Variants in AP2A2 observed in about 807,000 individuals in gnomAD.
AP2A2 encodes adaptor related protein complex 2 subunit alpha 2, also known as AP-2 complex subunit alpha-2.
AP2A2 carries 32 observed loss-of-function variants against 104.2 expected under a neutral mutation model. The observed-to-expected ratio is 0.31, with a 90% CI of 0.23 to 0.41. The LOEUF (loss-of-function observed/expected upper bound fraction) is 0.41, where lower values mean the gene tolerates loss of function less well. Ranked by LOEUF, AP2A2 falls within the 10% of genes least tolerant of loss-of-function variation. The pLI is 1.00. For synonymous variants in AP2A2, 539 were observed against 533.3 expected, an observed-to-expected ratio of 1.01 and a Z score of -0.15; for missense variants, 912 against 1,261.0, an observed-to-expected ratio of 0.72 and a Z score of 4.19.
chr11:997,877 C>T lies in AP2A2; in HGVS notation c.1957-2555C>T, dbSNP rs774738328. The stretch of plus-strand genomic sequence containing the variant: ...CTGAGATTGCACCACTGCACTCCAG[C>T]CTGGGTAACAGAGTGAGACTCGGTC... On this transcript the variant is annotated intron_variant, in intron 14 of 21. Coordinates refer to ENST00000448903, the MANE Select transcript of AP2A2 (RefSeq NM_012305.4). 1.5e-3 allele frequency among the ~76,000 whole-genome samples: 226 copies of T among 152,268 alleles called. 1 individual carries two copies. The highest frequency in any genetic ancestry group is 2.2e-3 in the Non-Finnish European group (148 of 68,018).
At chr11:941,342 G>C (rs1589948835) in intron 1 of AP2A2, among the ~76,000 whole-genome samples, 2 of 152,160 alleles carry the variant, frequency 1.3e-5, no homozygotes. Flanking sequence ...CTTGATGACT[G>C]ATTGTTTCTA....
intron 14 of AP2A2, among the ~76,000 whole-genome samples, chr11:998,302 C>T (rs1055909163): frequency 6.8e-6 from 1 of 146,002 alleles, no homozygotes; most frequent in African/African-American, 2.7e-5. Flanking sequence ...TGACTGCCCC[C>T]CAATCCCCAT....
chr11:928,551 T>G (rs1853189816), intron 1 of AP2A2, among the ~76,000 whole-genome samples: 2 of 152,254 alleles, frequency 1.3e-5, no homozygotes, highest in Non-Finnish European at 2.9e-5. Flanking sequence ...CACACTTTAT[T>G]GTGGGGAACT....
chr11:953,539 G>A (rs899217722), intron 1 of AP2A2, among the ~76,000 whole-genome samples: 4 of 113,590 alleles, frequency 3.5e-5, no homozygotes, highest in Non-Finnish European at 6.1e-5. Context: ...CTTTTCTACC[G>A]TAAGAGCCCC....
chr11:960,876 C>T (rs1427744327), intron 2 of AP2A2, among the ~76,000 whole-genome samples: 1 of 152,082 alleles, frequency 6.6e-6, no homozygotes, highest in East Asian at 1.9e-4. Flanking sequence ...TCAGGCTGGT[C>T]TCGAACTCCC....
chr11:963,030 A>G (rs965990738), intron 2 of AP2A2, among the ~76,000 whole-genome samples: 2 of 152,206 alleles, frequency 1.3e-5, no homozygotes, highest in Non-Finnish European at 1.5e-5. Context: ...TCATAGGTCT[A>G]AAGGCTCTGG....
At chr11:1,006,638 C>T in intron 17 of AP2A2, 21 bp downstream of exon 17, 1 of 1,582,610 alleles carries the variant, frequency 6.3e-7, no homozygotes, top group Non-Finnish European at 8.7e-7. Context: ...CTTCATTGCC[C>T]CATGCCCGCA....
chr11:942,083 T>G (rs976602299), intron 1 of AP2A2, among the ~76,000 whole-genome samples: 3 of 151,970 alleles, frequency 2.0e-5, no homozygotes, highest in Non-Finnish European at 4.4e-5. Context: ...CCCACCACCA[T>G]GCCCGGCTAA....
chr11:976,614 T>C (rs4075990), intron 4 of AP2A2, among the ~76,000 whole-genome samples: 76,757 of 151,558 alleles, frequency 0.51, 20,060 homozygotes, highest in Middle Eastern at 0.66. Context: ...ACCGTGTCTG[T>C]AGGGACCCGA....
chr11:932,691 T>A, intron 1 of AP2A2: 1 of 456,172 alleles, frequency 2.2e-6, no homozygotes, highest in East Asian at 6.9e-5. Flanking sequence ...CTTGCTCGGG[T>A]TGAATTTTTC....
intron 17 of AP2A2, 28 bp downstream of exon 17, chr11:1,006,645 C>T (rs776430749): frequency 9.0e-6 from 14 of 1,554,724 alleles, no homozygotes; most frequent in East Asian, 4.5e-5. Flanking sequence ...GCCCCATGCC[C>T]GCAGACAGCA....
Position 1,003,765 on chromosome 11 carries a change from C to T in AP2A2, c.2167C>T (p.Leu723Phe), listed in dbSNP as rs763954637. 2 of 1,608,388 alleles carry T rather than the reference C, an allele frequency of 1.2e-6. No individual in the cohort carries two copies. Among genetic ancestry groups the T allele is most frequent in the East Asian group, 2.2e-5 (1 of 44,764 alleles). Residue 723 changes from leucine (L) to phenylalanine (F), a missense_variant, in exon 16 of 22, where the codon CTT (leucine) becomes TTT (phenylalanine). Around this residue, in one of 7 missense-constraint regions of AP2A2, gnomAD observed 239 missense variants for 329.8 expected, o/e 0.72. Coordinates refer to ENST00000448903, the MANE Select transcript of AP2A2 (RefSeq NM_012305.4). ...NNGVLFENQL[L>F]QIGLKSEFRQ... The stretch of plus-strand genomic sequence containing the variant: ...TGGTGTGTTGTTTGAAAACCAGCTG[C>T]TTCAAATTGGACTTAAGTCTGAATT...
At chr11:1,009,262 C>T (rs1299767563) in intron 19 of AP2A2, 46 bp downstream of exon 19, 1 of 1,608,974 alleles carries the variant, frequency 6.2e-7, no homozygotes, top group Non-Finnish European at 8.5e-7. Flanking sequence ...GGACGGGGCT[C>T]ATTTGAAAAG....
intron 1 of AP2A2, among the ~76,000 whole-genome samples, chr11:953,708 G>T (rs1290698155): frequency 6.6e-6 from 1 of 152,056 alleles, no homozygotes; most frequent in African/African-American, 2.4e-5. Context: ...CAGTAGGGGC[G>T]CTGGGCCAGG....
In AP2A2 at chr11:928,594, C is replaced by T. The variant is rs111521496; in HGVS notation, c.67+2506C>T. Among the ~76,000 whole-genome samples, 1,367 of 152,358 alleles carry T rather than the reference C, an allele frequency of 9.0e-3. 19 individuals are homozygous for T. Among genetic ancestry groups the T allele is most frequent in the African/African-American group, 0.032 (1,314 of 41,590 alleles). On this transcript the variant is annotated intron_variant, in intron 1 of 21. Coordinates refer to ENST00000448903, the MANE Select transcript of AP2A2 (RefSeq NM_012305.4). Reference sequence around the variant, plus strand: ...GCCTTTTAGGATGTTTATAGCAGCACCAGTTGCCTTAGTTGTGATAAGGAA... The same window carrying T: ...GCCTTTTAGGATGTTTATAGCAGCATCAGTTGCCTTAGTTGTGATAAGGAA...
At position 992,202 on chromosome 11, in the gene AP2A2, C is replaced by T. The variant is rs1855684402; in HGVS notation, c.1270-301C>T. 6.6e-6 allele frequency among the ~76,000 whole-genome samples: 1 copy of T among 152,086 alleles called. No individual in the cohort carries two copies. Among genetic ancestry groups the T allele is most frequent in the Admixed American group, 6.5e-5 (1 of 15,272 alleles). On this transcript the variant is annotated intron_variant, in intron 10 of 21. Coordinates refer to ENST00000448903, the MANE Select transcript of AP2A2 (RefSeq NM_012305.4). The surrounding 1 kb of genome is among the most constrained non-coding windows in gnomAD (Gnocchi z 6.4). Reference sequence around the variant, plus strand: ...GGGTGATGAGGTCAGAGGAGTGCTGCCGCCAGGTGCTGGGGCTTTGGGAGA... The same window carrying T: ...GGGTGATGAGGTCAGAGGAGTGCTGTCGCCAGGTGCTGGGGCTTTGGGAGA...
At chr11:999,145 C>T (rs770541535) in intron 14 of AP2A2, among the ~76,000 whole-genome samples, 9 of 152,118 alleles carry the variant, frequency 5.9e-5, no homozygotes, top group South Asian at 4.2e-4. Context: ...GGTGAGCATG[C>T]GATGGACTGA....
intron 1 of AP2A2, among the ~76,000 whole-genome samples, chr11:927,311 T>G (rs1419691675): frequency 6.6e-6 from 1 of 152,124 alleles, no homozygotes; most frequent in Non-Finnish European, 1.5e-5. Context: ...GTGATCCACC[T>G]GTCTTGGCCT....
rs984678333 is a variant in AP2A2, at chr11:925,917, C to T, written c.-105C>T. The T allele has an allele frequency of 8.0e-6, 7 of 879,838 alleles. No individual in the cohort carries two copies. Among genetic ancestry groups the T allele is most frequent in the African/African-American group, 7.2e-5 (4 of 55,942 alleles). The allele number at this position is 879,838 out of a possible 1,614,324, so 54.5% of individuals were successfully genotyped here. A position where few individuals can be genotyped will look rare whatever the true frequency, so the allele number is the denominator to read the frequency against. On this transcript the variant is annotated 5_prime_UTR_variant, in exon 1 of 22. Transcript: ENST00000448903. Reference sequence around the variant, plus strand: ...AGGCGGCCGTGGTTAGGCGGCTCCCCGGCGGCTCCTCCGCGGCGGTGACGG... The same window carrying T: ...AGGCGGCCGTGGTTAGGCGGCTCCCTGGCGGCTCCTCCGCGGCGGTGACGG...
Sources: allele counts gnomAD v4.1 joint callset (sites outside exome capture counted in the v4.1 genomes callset), GRCh38; gene constraint gnomAD v4.1.1; regional missense constraint gnomAD v4.1.1; non-coding constraint Gnocchi (gnomAD v3.1); transcripts MANE v1.5; gene names NCBI Gene and HGNC (gene_info 2026-07-23, HGNC 2026-07-21).